UPP2: variants seen among roughly 807,000 people sequenced by gnomAD.
UPP2 encodes uridine phosphorylase 2.
Under a neutral mutation model 26.7 loss-of-function variants are expected in UPP2, and 23 were observed. The observed-to-expected ratio is 0.86, with a 90% confidence interval of 0.62 to 1.22. UPP2 has a LOEUF of 1.22. Among genes scored for constraint, UPP2 ranks in the 50% most tolerant of loss-of-function variants. The probability of loss-of-function intolerance (pLI) is 0.00; values close to 1 mark genes in which losing one functional copy is unlikely to be tolerated. For synonymous variants in UPP2, 127 were observed against 141.3 expected (o/e 0.90, Z 0.72); for missense variants, 387 against 396.7 (o/e 0.98, Z 0.21).
intron 3 of UPP2, among the ~76,000 whole-genome samples, chr2:158,027,421 T>G (rs1360687326): frequency 6.6e-6 from 1 of 152,212 alleles, no homozygotes; most frequent in Non-Finnish European, 1.5e-5. Context: ...TGATCTCTTT[T>G]GACTCCAGGT....
intron 3 of UPP2, among the ~76,000 whole-genome samples, chr2:158,086,950 T>C (rs557356067): frequency 6.6e-6 from 1 of 152,244 alleles, no homozygotes; most frequent in East Asian, 1.9e-4. Context: ...TGCTGAGGAA[T>C]AGAATGTATA....
At chr2:158,081,517 C>T (rs1682726713) in intron 3 of UPP2, among the ~76,000 whole-genome samples, 2 of 152,078 alleles carry the variant, frequency 1.3e-5, no homozygotes, top group African/African-American at 2.4e-5. Flanking sequence ...AGCTGCACTC[C>T]CATGTTTATT....
chr2:158,086,443 C>T (rs1185490088), intron 3 of UPP2, among the ~76,000 whole-genome samples: 1 of 151,930 alleles, frequency 6.6e-6, no homozygotes, highest in Non-Finnish European at 1.5e-5. Flanking sequence ...AAAGAACCAG[C>T]TTTTTGTTTA....
intron 3 of UPP2, among the ~76,000 whole-genome samples, chr2:158,050,150 T>G (rs1682124831): frequency 6.6e-6 from 1 of 152,160 alleles, no homozygotes; most frequent in Non-Finnish European, 1.5e-5. Context: ...TTTAGCAGAG[T>G]GTTTGGCTAA....
intron 3 of UPP2, among the ~76,000 whole-genome samples, chr2:158,085,007 A>T (rs1682790785): frequency 6.6e-6 from 1 of 151,702 alleles, no homozygotes; most frequent in Non-Finnish European, 1.5e-5. Flanking sequence ...GAATTTTAGA[A>T]TTTTTTTCTA....
At chr2:158,063,596 CTTTTCT>C (rs1346350173) in intron 3 of UPP2, among the ~76,000 whole-genome samples, 2 of 63,274 alleles carry the variant, frequency 3.2e-5, no homozygotes, top group Admixed American at 1.7e-4. Context: ...CCACCATTTT[CTTTTCT>C]TTTTTTTTTT....
At position 158,023,236 on chromosome 2, in the gene UPP2, G is replaced by GGGGC. The variant is rs1553463666; in HGVS notation, c.147+7351_147+7354dup. Among the ~76,000 whole-genome samples, 14 of 142,864 alleles carry GGGGC rather than the reference G, an allele frequency of 9.8e-5. 2 individuals carry two copies. The highest frequency in any genetic ancestry group is 1.9e-4 in the Non-Finnish European group (12 of 64,562). 93.7% of individuals were successfully genotyped at this position (142,864 alleles called of 152,430 possible). On this transcript the variant is annotated intron_variant, in intron 3 of 9. Coordinates refer to the UPP2 transcript ENST00000605860. ...TCATGGGGTTGCTGTCAGTTGGGGGGGGGCATTTGGAAGGCTTTCAGTCCA... is the reference window on the plus strand; with the variant it reads ...TCATGGGGTTGCTGTCAGTTGGGGGGGGGCGGGCATTTGGAAGGCTTTCAGTCCA...
intron 3 of UPP2, among the ~76,000 whole-genome samples, chr2:158,019,632 C>T (rs1489830607): frequency 1.5e-5 from 2 of 134,276 alleles, no homozygotes; most frequent in Non-Finnish European, 3.1e-5. Flanking sequence ...GAAATACAAT[C>T]CTTTAAAACA....
At chr2:158,122,394 GTCATATTA>G (rs1192231135) in intron 5 of UPP2, among the ~76,000 whole-genome samples, 4 of 152,018 alleles carry the variant, frequency 2.6e-5, no homozygotes, top group African/African-American at 9.7e-5. Flanking sequence ...TTGGAGATAG[GTCATATTA>G]TCTATACATT....
chr2:158,117,367 A>G (rs1683461408), intron 3 of UPP2, among the ~76,000 whole-genome samples: 1 of 152,062 alleles, frequency 6.6e-6, no homozygotes, highest in Non-Finnish European at 1.5e-5. Flanking sequence ...CACAAAATTA[A>G]CAGCAAATGA....
intron 2 of UPP2, among the ~76,000 whole-genome samples, chr2:158,111,692 T>C (rs1283681339): frequency 2.0e-5 from 3 of 152,206 alleles, no homozygotes; most frequent in Admixed American, 1.3e-4. Context: ...GAACATTTTT[T>C]AAATATTCCA....
intron 2 of UPP2, among the ~76,000 whole-genome samples, chr2:158,013,508 T>C (rs1247499437): frequency 2.6e-5 from 4 of 152,212 alleles, no homozygotes; most frequent in Non-Finnish European, 5.9e-5. Context: ...ATTAGTAAGA[T>C]GAGAAGACAG....
At chr2:158,081,578 A>C (rs1361282286) in intron 3 of UPP2, among the ~76,000 whole-genome samples, 2 of 152,204 alleles carry the variant, frequency 1.3e-5, no homozygotes, top group Non-Finnish European at 2.9e-5. Flanking sequence ...AGTGTCGATC[A>C]GTGGTTGAAT....
At chr2:158,059,964 T>A (rs367831721) in intron 3 of UPP2, among the ~76,000 whole-genome samples, 2 of 152,210 alleles carry the variant, frequency 1.3e-5, no homozygotes, top group African/African-American at 4.8e-5. Flanking sequence ...TTTGCTTAGT[T>A]GGTTAAAGAA....
At chr2:158,024,446 C>A (rs1683803872) in intron 3 of UPP2, among the ~76,000 whole-genome samples, 1 of 152,122 alleles carries the variant, frequency 6.6e-6, no homozygotes, top group Non-Finnish European at 1.5e-5. Flanking sequence ...CAGTAGGGCC[C>A]CAACGCCTGG....
At chr2:158,107,582 G>A (rs1031946097) in intron 2 of UPP2, among the ~76,000 whole-genome samples, 3 of 152,056 alleles carry the variant, frequency 2.0e-5, no homozygotes, top group African/African-American at 7.2e-5. Context: ...TGGGTCAAGA[G>A]GCAGGTGAGA....
At chr2:158,040,664 G>A (rs1297089671) in intron 3 of UPP2, among the ~76,000 whole-genome samples, 1 of 152,184 alleles carries the variant, frequency 6.6e-6, no homozygotes, top group African/African-American at 2.4e-5. Flanking sequence ...ATCTAATAGT[G>A]ATTACCCCTC....
At chr2:158,111,098 A>G (rs891063066) in intron 2 of UPP2, among the ~76,000 whole-genome samples, 5 of 152,196 alleles carry the variant, frequency 3.3e-5, no homozygotes, top group Admixed American at 3.3e-4. Context: ...TATGTCCTAA[A>G]TGGTATTGCC....
intron 3 of UPP2, among the ~76,000 whole-genome samples, chr2:158,087,125 A>G (rs1223146052): frequency 6.6e-6 from 1 of 152,048 alleles, no homozygotes; most frequent in African/African-American, 2.4e-5. Flanking sequence ...CATCTATATT[A>G]TTTCTTAGGT....
Sources: gnomAD v4.1 joint callset for allele counts (sites outside exome capture counted in the v4.1 genomes callset) on GRCh38, gnomAD v4.1.1 for gene constraint, MANE v1.5 for transcripts, NCBI Gene and HGNC (gene_info 2026-07-23, HGNC 2026-07-21) for gene names.